Variants in CACNA1H observed in about 807,000 individuals in gnomAD.
CACNA1H encodes the protein calcium voltage-gated channel subunit alpha1 H, also known as voltage-dependent T-type calcium channel subunit alpha-1H.
Under a neutral mutation model 192.5 loss-of-function variants are expected in CACNA1H, and 149 were observed. The observed-to-expected ratio is 0.77, with a 90% CI of 0.68 to 0.89. The LOEUF is 0.89. Among genes scored for constraint, CACNA1H ranks in the 40% least tolerant of loss-of-function variants. CACNA1H has a pLI of 0.00. For missense variants in CACNA1H, 4,257 were observed against 3,423.5 expected (o/e 1.24, Z -6.08); for synonymous variants, 2,202 against 1,475.2 (o/e 1.49, Z -11.29).
chr16:1,221,077 G>T lies in CACNA1H; in HGVS notation c.*83G>T, dbSNP rs1970449721. On this transcript the variant is annotated 3_prime_UTR_variant, in exon 35 of 35. Coordinates refer to ENST00000348261, the MANE Select transcript of CACNA1H (RefSeq NM_021098.3). ...TGGAGGCCCAGGCAGAACCCTGCAT[G>T]GACCCTGACTTGGGTCCCGTCGTGA... is the stretch of plus-strand genomic sequence containing the variant. The T allele has an allele frequency of 2.8e-6, 3 of 1,083,258 alleles. No homozygotes were observed. Among genetic ancestry groups the T allele is most frequent in the African/African-American group, 3.2e-5 (2 of 62,568 alleles). 67.1% of individuals were successfully genotyped at this position (1,083,258 alleles called of 1,614,324 possible). A position where few individuals can be genotyped will look rare whatever the true frequency, so the allele number is the denominator to read the frequency against.
intron 30 of CACNA1H, among the ~76,000 whole-genome samples, chr16:1,216,001 T>TGCCCCTG (rs1246031594): frequency 6.6e-6 from 1 of 151,158 alleles, no homozygotes; most frequent in East Asian, 2.0e-4. Context: ...CTGCTTCCTG[T>TGCCCCTG]GCCCCTGGCC....
intron 2 of CACNA1H, among the ~76,000 whole-genome samples, chr16:1,158,239 G>A (rs1307364140): frequency 6.6e-6 from 1 of 152,214 alleles, no homozygotes; most frequent in Non-Finnish European, 1.5e-5. Context: ...CAGAGACACA[G>A]ATGGGGCTGA....
rs1158359027 is a variant in CACNA1H, at chr16:1,212,431, G to T, written c.4760-80G>T. 2.8e-6 allele frequency: 4 copies of T among 1,418,096 alleles called. No homozygotes were observed. The African/African-American group carries it at 5.7e-5, about 20-fold the overall frequency. 87.8% of individuals were successfully genotyped at this position (1,418,096 alleles called of 1,614,324 possible). ...AGCCAGCACAGCCCCCGAGACACGG[G>T]GGCTGAGGGAGAGCAGGGAGGGCTC... On this transcript the variant is annotated intron_variant, in intron 25 of 34. Coordinates refer to ENST00000348261, the MANE Select transcript of CACNA1H (RefSeq NM_021098.3).
rs778743259 is a variant in CACNA1H at position 1,220,206 on chromosome 16, G to A, written c.6274G>A (p.Glu2092Lys). Residue 2092 changes from glutamate (E) to lysine (K), a missense_variant, in exon 35 of 35, where the codon GAG becomes AAG. Physicochemically the swap from Glu to Lys is moderately conservative, Grantham distance 56. Coordinates refer to ENST00000348261, the MANE Select transcript of CACNA1H (RefSeq NM_021098.3). The stretch of plus-strand genomic sequence containing the variant: ...GGCGGCCCCAGGCGGAGAGGAGGCC[G>A]AGGCCTCGGACCCAGCCGACGAGGA... ...RPAAPGGEEA[E>K]ASDPADEEVS... 1.5e-5 allele frequency: 24 copies of A among 1,557,638 alleles called. No homozygotes were observed. The highest frequency in any genetic ancestry group is 1.7e-4 in the Middle Eastern group (1 of 5,898).
intron 30 of CACNA1H, among the ~76,000 whole-genome samples, chr16:1,215,820 G>A (rs894744632): frequency 6.6e-6 from 1 of 152,174 alleles, no homozygotes; most frequent in Non-Finnish European, 1.5e-5. Context: ...CATAACCGGG[G>A]CCCCCTCCCC....
At chr16:1,195,794 C>T (rs1169782580) in intron 4 of CACNA1H, 132 bp from the exon 5 acceptor site, 7 of 896,870 alleles carry the variant, frequency 7.8e-6, no homozygotes, top group South Asian at 1.4e-5. Context: ...CGGGGCCCTT[C>T]CTGGCCAGTA....
At position 1,211,498 on chromosome 16, in the gene CACNA1H, C is replaced by T. The variant is rs1321481986; in HGVS notation, c.4368C>T (p.Phe1456=). 3.7e-6 allele frequency: 6 copies of T among 1,612,350 alleles called. No homozygotes were observed. Among genetic ancestry groups the T allele is most frequent in the Non-Finnish European group, 5.1e-6 (6 of 1,179,720 alleles). The change falls in exon 23 of 35, where the codon TTC becomes TTT. Residue 1456 remains phenylalanine (F), a synonymous_variant. Transcript: ENST00000348261. Reference sequence around the variant, plus strand: ...CCCGTCAGCTCTTCAAAGGGAAGTTCTACTACTGCGAGGGCCCCGACACCA... The same window carrying T: ...CCCGTCAGCTCTTCAAAGGGAAGTTTTACTACTGCGAGGGCCCCGACACCA... ...ILGVQLFKGK[F]YYCEGPDTRN... is the part of the protein sequence containing the mutation.
intron 12 of CACNA1H, chr16:1,206,702 A>C: frequency 4.4e-6 from 2 of 455,722 alleles, no homozygotes; most frequent in East Asian, 4.0e-5. Context: ...GAGAGGCTGA[A>C]TGAGGCAGGT....
chr16:1,155,467 G>T (rs532213610), intron 2 of CACNA1H, among the ~76,000 whole-genome samples: 7 of 152,166 alleles, frequency 4.6e-5, no homozygotes, highest in South Asian at 2.1e-4. Context: ...GGGTTAGTCC[G>T]GCGGTGCCAG....
chr16:1,169,772 C>T lies in CACNA1H; in HGVS notation c.299+15736C>T, dbSNP rs1045769521. 5.3e-5 allele frequency among the ~76,000 whole-genome samples: 8 copies of T among 152,360 alleles called. 1 individual carries two copies. The highest frequency in any genetic ancestry group is 2.6e-4 in the Admixed American group (4 of 15,312). On this transcript the variant is annotated intron_variant, in intron 2 of 34. Coordinates refer to ENST00000348261, the MANE Select transcript of CACNA1H (RefSeq NM_021098.3). ...GTTCCCAGGAACGTTTGTCCGTCTGCCTCCCAGGCCTGGTCCCTGGCCCCT... is the reference window on the plus strand; with the variant it reads ...GTTCCCAGGAACGTTTGTCCGTCTGTCTCCCAGGCCTGGTCCCTGGCCCCT...
chr16:1,197,819 C>A (rs752366643), intron 5 of CACNA1H, among the ~76,000 whole-genome samples: 1 of 152,176 alleles, frequency 6.6e-6, no homozygotes, highest in Non-Finnish European at 1.5e-5. Context: ...GCTGCCTTAG[C>A]CTGGCCCTTG....
At chr16:1,195,710 G>A (rs1224156633) in intron 4 of CACNA1H, 145 bp downstream of exon 4, 10 of 1,069,438 alleles carry the variant, frequency 9.4e-6, no homozygotes, top group Admixed American at 4.3e-5. Flanking sequence ...CTGGGACTCC[G>A]GAGACCCTCC....
chr16:1,199,830 TCCCTC>T (rs1223279625), intron 6 of CACNA1H, among the ~76,000 whole-genome samples: 2 of 151,352 alleles, frequency 1.3e-5, no homozygotes, highest in East Asian at 3.9e-4. Context: ...ACCCCAGGCT[TCCCTC>T]CCCTCGTCCC....
chr16:1,161,974 C>T (rs1963248404), intron 2 of CACNA1H, among the ~76,000 whole-genome samples: 1 of 152,146 alleles, frequency 6.6e-6, no homozygotes, highest in Admixed American at 6.5e-5. Context: ...CAGGCTGTGT[C>T]CCGTGAAGTC....
chr16:1,153,781 TG>T lies in CACNA1H; in HGVS notation c.47del (p.Gly16AlafsTer90). The part of the protein sequence containing the change: ...ARAADEVRVP[L>X]GAPPPGPAAL... The stretch of plus-strand genomic sequence containing the variant: ...GCCGCCGACGAGGTCCGGGTGCCCC[TG>T]GGCGCGCCGCCCCCTGGCCCTGCGG... On this transcript the variant is annotated frameshift_variant, in exon 2 of 35. Transcript: ENST00000348261. LOFTEE classifies it high-confidence loss of function. 1 of 1,226,190 alleles carries T rather than the reference TG, an allele frequency of 8.2e-7. No homozygotes were observed. Among genetic ancestry groups the T allele is most frequent in the South Asian group, 3.4e-5 (1 of 29,444 alleles). The allele number at this position is 1,226,190 out of a possible 1,614,324, so 76.0% of individuals were successfully genotyped here. A position where few individuals can be genotyped will look rare whatever the true frequency, so the allele number is the denominator to read the frequency against.
In CACNA1H at chr16:1,167,355, C is replaced by T. The variant is rs545207988; in HGVS notation, c.299+13319C>T. 5.3e-5 allele frequency among the ~76,000 whole-genome samples: 8 copies of T among 152,168 alleles called. No homozygotes were observed. Among genetic ancestry groups the T allele is most frequent in the African/African-American group, 1.2e-4 (5 of 41,488 alleles). On this transcript the variant is annotated intron_variant, in intron 2 of 34. Coordinates refer to ENST00000348261, the MANE Select transcript of CACNA1H (RefSeq NM_021098.3). The surrounding 1 kb of genome is among the most constrained non-coding windows in gnomAD (Gnocchi z 4.2). ...GGGGGCGATATCGGCGCGGAGCGGG[C>T]GGGGTGGCGCCCGGGCCGCGGGTGG...
At chr16:1,205,494 C>T (rs1467359000) in intron 11 of CACNA1H, among the ~76,000 whole-genome samples, 3 of 152,210 alleles carry the variant, frequency 2.0e-5, no homozygotes, top group South Asian at 4.1e-4. Context: ...GGGGTGCGCA[C>T]CTGTTAGGTC....
At chr16:1,157,913 G>A (rs561485993) in intron 2 of CACNA1H, 1 of 152,150 alleles carries the variant, frequency 6.6e-6, no homozygotes, top group Non-Finnish European at 1.5e-5. Flanking sequence ...CCCACGGCCC[G>A]GCTTCTCTCG....
At position 1,218,413 on chromosome 16, in the gene CACNA1H, G is replaced by C; in HGVS notation, c.5649G>C (p.Glu1883Asp). Residue 1883 changes from glutamate to aspartate, a missense_variant, in exon 33 of 35, where the codon GAG (glutamate) becomes GAC (aspartate). Glu to Asp is a conservative substitution (Grantham distance 45). Transcript: ENST00000348261. ...DAELDAEIEL[E>D]MAQGPGSARR... ...AGCTGGACGCCGAGATCGAGCTGGA[G>C]ATGGCGCAGGGCCCCGGGAGTGCAC... 6.4e-7 allele frequency: 1 copy of C among 1,555,286 alleles called. No homozygotes were observed. Among genetic ancestry groups the C allele is most frequent in the Non-Finnish European group, 8.7e-7 (1 of 1,150,168 alleles).
Sources: allele counts gnomAD v4.1 joint callset (sites outside exome capture counted in the v4.1 genomes callset), GRCh38; gene constraint gnomAD v4.1.1; non-coding constraint Gnocchi (gnomAD v3.1); transcripts MANE v1.5; gene names NCBI Gene and HGNC (gene_info 2026-07-23, HGNC 2026-07-21).